Variants in CACHD1 observed in about 807,000 individuals in gnomAD.
The protein encoded by CACHD1 is cache domain containing 1.
A neutral mutation model predicts 138.7 loss-of-function variants in CACHD1; 71 were observed. That is an observed-to-expected ratio of 0.51 (90% confidence interval 0.42 to 0.62). CACHD1 has a LOEUF of 0.62. Among genes scored for constraint, CACHD1 ranks in the 20% least tolerant of loss-of-function variants. CACHD1 has a pLI of 0.00. For synonymous variants in CACHD1, 578 were observed against 591.5 expected (o/e 0.98, Z 0.33); for missense variants, 1,389 against 1,625.3 (o/e 0.85, Z 2.50).
At chr1:64,502,421 T>G (rs1331943022) in intron 1 of CACHD1, among the ~76,000 whole-genome samples, 1 of 152,194 alleles carries the variant, frequency 6.6e-6, no homozygotes, top group East Asian at 1.9e-4. Flanking sequence ...ATTAGATCAC[T>G]GAGGGGCTCA....
At chr1:64,515,215 A>C (rs1476670811) in intron 1 of CACHD1, among the ~76,000 whole-genome samples, 1 of 152,222 alleles carries the variant, frequency 6.6e-6, no homozygotes, top group Non-Finnish European at 1.5e-5. Flanking sequence ...CTAACTATTT[A>C]ACAATTTCTA....
At chr1:64,477,920 C>T (rs1280287829) in intron 1 of CACHD1, among the ~76,000 whole-genome samples, 3 of 151,924 alleles carry the variant, frequency 2.0e-5, no homozygotes, top group Non-Finnish European at 4.4e-5. Context: ...AGGCGTGAGC[C>T]ACCGCGCCCG....
chr1:64,546,349 T>TC (rs1003410653), intron 1 of CACHD1, among the ~76,000 whole-genome samples: 2 of 152,060 alleles, frequency 1.3e-5, no homozygotes, highest in African/African-American at 4.8e-5. Flanking sequence ...ACTTTTTTTT[T>TC]TTTGAGACAT....
intron 2 of CACHD1, among the ~76,000 whole-genome samples, chr1:64,556,676 T>C (rs1236630049): frequency 5.6e-5 from 2 of 35,560 alleles, no homozygotes; most frequent in Non-Finnish European, 2.5e-4. Context: ...TTTTACTTGC[T>C]TTTACTCATT....
intron 2 of CACHD1, chr1:64,563,993 A>G (rs1557495218): frequency 6.6e-6 from 1 of 152,224 alleles, no homozygotes; most frequent in Non-Finnish European, 1.5e-5. Flanking sequence ...TAATGTCAAT[A>G]TAAGGATACC....
intron 3 of CACHD1, among the ~76,000 whole-genome samples, chr1:64,599,471 G>A (rs898969317): frequency 6.6e-6 from 1 of 152,074 alleles, no homozygotes; most frequent in Non-Finnish European, 1.5e-5. Context: ...GGGTGGAGTG[G>A]ACACTGGAGA....
At chr1:64,527,353 C>T (rs745504880) in intron 1 of CACHD1, among the ~76,000 whole-genome samples, 5 of 152,214 alleles carry the variant, frequency 3.3e-5, no homozygotes, top group Non-Finnish European at 5.9e-5. Context: ...GAAGCCACCA[C>T]ATTCTCTTTG....
chr1:64,612,875 A>T (rs1418836226), intron 4 of CACHD1, among the ~76,000 whole-genome samples: 1 of 152,210 alleles, frequency 6.6e-6, no homozygotes, highest in Non-Finnish European at 1.5e-5. Context: ...TAAGAAATAC[A>T]TTTCATAAGG....
intron 5 of CACHD1, among the ~76,000 whole-genome samples, chr1:64,630,966 T>C (rs1463897940): frequency 6.6e-6 from 1 of 152,212 alleles, no homozygotes; most frequent in African/African-American, 2.4e-5. Flanking sequence ...TTCACATTTC[T>C]TGTCCTAACT....
chr1:64,502,000 C>T (rs1646342909), intron 1 of CACHD1, among the ~76,000 whole-genome samples: 2 of 152,302 alleles, frequency 1.3e-5, no homozygotes, highest in Admixed American at 6.5e-5. Flanking sequence ...AGAAATTCCC[C>T]AACAGCAAGT....
intron 1 of CACHD1, among the ~76,000 whole-genome samples, chr1:64,494,879 T>C (rs775036559): frequency 3.3e-5 from 5 of 152,120 alleles, no homozygotes; most frequent in South Asian, 4.1e-4. Flanking sequence ...CACGAAGTGG[T>C]AGATGTGGGG....
chr1:64,538,168 G>A (rs917580195), intron 1 of CACHD1, among the ~76,000 whole-genome samples: 7 of 152,114 alleles, frequency 4.6e-5, no homozygotes, highest in Non-Finnish European at 7.3e-5. Flanking sequence ...TAGTCAGGAG[G>A]ACCTGGGAGT....
At position 64,671,644 on chromosome 1, in the gene CACHD1, A is replaced by C. The variant is rs774800054; in HGVS notation, c.2468A>C (p.Asp823Ala). ...TLRYFYKVLMDLLPVCNQDGG... is the reference protein window; with the variant it reads ...TLRYFYKVLMALLPVCNQDGG... Reference sequence around the variant, plus strand: ...AGATACTTCTACAAAGTTCTGATGGACCTATTACCTGTCTGTAACCAAGAT... The same window carrying C: ...AGATACTTCTACAAAGTTCTGATGGCCCTATTACCTGTCTGTAACCAAGAT... Residue 823 changes from aspartate to alanine, a missense_variant, in exon 17 of 27, where the codon GAC (aspartate) becomes GCC (alanine). Asp to Ala is a moderately radical substitution (Grantham distance 126). This residue lies in a region of CACHD1 where 1,000 missense variants were observed against 1,114.7 expected (regional missense o/e 0.90). Coordinates refer to ENST00000651257, the MANE Select transcript of CACHD1 (RefSeq NM_020925.4). 1 of 1,614,054 alleles carries C rather than the reference A, an allele frequency of 6.2e-7. No individual in the cohort carries two copies. Among genetic ancestry groups the C allele is most frequent in the Non-Finnish European group, 8.5e-7 (1 of 1,179,944 alleles).
At chr1:64,673,023 T>TC in intron 17 of CACHD1, 135 bp from the exon 18 acceptor site, 1 of 787,648 alleles carries the variant, frequency 1.3e-6, no homozygotes, top group Non-Finnish European at 2.2e-6. Context: ...CCTTCATTTT[T>TC]CCAATGAGTA....
At chr1:64,539,501 A>G (rs1235567608) in intron 1 of CACHD1, among the ~76,000 whole-genome samples, 3 of 152,150 alleles carry the variant, frequency 2.0e-5, no homozygotes, top group Admixed American at 1.3e-4. Flanking sequence ...GTGACTTTGT[A>G]TCATAATTAT....
intron 9 of CACHD1, among the ~76,000 whole-genome samples, chr1:64,649,310 C>T (rs1262363778): frequency 6.6e-6 from 1 of 152,140 alleles, no homozygotes; most frequent in East Asian, 1.9e-4. Context: ...AGTCCTCCCA[C>T]CTTTGCCTCC....
intron 1 of CACHD1, among the ~76,000 whole-genome samples, chr1:64,489,882 T>C (rs1360730341): frequency 2.0e-5 from 3 of 152,336 alleles, no homozygotes; most frequent in Admixed American, 6.5e-5. Flanking sequence ...GGAAGTGTTA[T>C]AATATTATTA....
intron 3 of CACHD1, among the ~76,000 whole-genome samples, chr1:64,588,563 A>G (rs1467006115): frequency 1.3e-5 from 2 of 151,906 alleles, no homozygotes; most frequent in Non-Finnish European, 2.9e-5. Flanking sequence ...ATTTTTGTAG[A>G]GAAGCGGTTT....
intron 3 of CACHD1, among the ~76,000 whole-genome samples, chr1:64,584,545 T>G (rs1190183535): frequency 6.6e-6 from 1 of 152,202 alleles, no homozygotes; most frequent in African/African-American, 2.4e-5. Flanking sequence ...AATTACCTCT[T>G]TCTTTCCTCT....
Sources: gnomAD v4.1 joint callset for allele counts (sites outside exome capture counted in the v4.1 genomes callset) on GRCh38, gnomAD v4.1.1 for gene constraint, gnomAD v4.1.1 regional missense constraint, MANE v1.5 for transcripts, NCBI Gene and HGNC (gene_info 2026-07-23, HGNC 2026-07-21) for gene names.